Variants in SPICE1 observed in about 807,000 individuals in gnomAD.
SPICE1 encodes spindle and centriole-associated protein 1.
A neutral mutation model predicts 102.7 loss-of-function variants in SPICE1; 75 were observed. The observed-to-expected ratio is 0.73, with a 90% CI of 0.61 to 0.88. The LOEUF (loss-of-function observed/expected upper bound fraction) is 0.88. Among genes scored for constraint, SPICE1 ranks in the 40% least tolerant of loss-of-function variants. The pLI is 0.00. For synonymous variants in SPICE1, 308 were observed against 350.3 expected (o/e 0.88, Z 1.35); for missense variants, 979 against 1,020.1 (o/e 0.96, Z 0.55).
chr3:113,467,999 GAT>G, intron 10 of SPICE1, 138 bp downstream of exon 10: 2 of 1,081,740 alleles, frequency 1.8e-6, no homozygotes, highest in Non-Finnish European at 2.6e-6. Flanking sequence ...CTTTACTGCA[GAT>G]AATCTAAAAC....
At chr3:113,503,103 T>C in intron 3 of SPICE1, 77 bp downstream of exon 3, 1 of 1,459,704 alleles carries the variant, frequency 6.9e-7, no homozygotes, top group Non-Finnish European at 9.4e-7. Context: ...GTGCCTATAG[T>C]TTCTATTCTA....
At chr3:113,475,735 T>C (rs1025935259) in intron 7 of SPICE1, among the ~76,000 whole-genome samples, 21 of 152,166 alleles carry the variant, frequency 1.4e-4, no homozygotes, top group Non-Finnish European at 2.4e-4. Flanking sequence ...AATTCAACAA[T>C]GCTTCATGCT....
At position 113,453,767 on chromosome 3, in the gene SPICE1, T is replaced by C; in HGVS notation, c.1841A>G (p.Glu614Gly). ...WRVSHMGEDL[E>G]NKTQAPFVNL... Reference sequence around the variant, plus strand: ...AACAAAAGGAGCCTGAGTTTTGTTCTCCAAATCTTCTCCCATGTGAGAGAC... The same window carrying C: ...AACAAAAGGAGCCTGAGTTTTGTTCCCCAAATCTTCTCCCATGTGAGAGAC... Residue 614 changes from glutamate (E) to glycine (G), a missense_variant, in exon 14 of 18, where the codon GAG (glutamate) becomes GGG (glycine). Physicochemically the swap from Glu to Gly is moderately conservative, Grantham distance 98. Coordinates refer to ENST00000295872, the MANE Select transcript of SPICE1 (RefSeq NM_144718.4). The C allele has an allele frequency of 6.2e-7, 1 of 1,614,136 alleles. No homozygotes were observed. The highest frequency in any genetic ancestry group is 8.5e-7 in the Non-Finnish European group (1 of 1,180,024).
chr3:113,514,458 C>T (rs534678033), intron 1 of SPICE1: 14 of 363,432 alleles, frequency 3.9e-5, no homozygotes, highest in Non-Finnish European at 7.1e-5. Context: ...CAATCCAACT[C>T]AGCTTGGCAT....
chr3:113,454,080 A>G, intron 13 of SPICE1, 130 bp from the exon 14 acceptor site: 1 of 844,666 alleles, frequency 1.2e-6, no homozygotes. Flanking sequence ...CTGAATGCTT[A>G]AACTATTTTC....
intron 10 of SPICE1, 124 bp downstream of exon 10, chr3:113,468,015 G>A (rs1936100909): frequency 8.0e-7 from 1 of 1,243,020 alleles, no homozygotes; most frequent in Non-Finnish European, 1.1e-6. Context: ...CTAAAACTGA[G>A]GTATTTTAAA....
At chr3:113,495,995 T>G (rs947405439) in intron 4 of SPICE1, among the ~76,000 whole-genome samples, 1 of 152,102 alleles carries the variant, frequency 6.6e-6, no homozygotes, top group Non-Finnish European at 1.5e-5. Flanking sequence ...CAGGATGGCT[T>G]TGAATGTGGC....
At chr3:113,480,057 CA>C (rs1936455264) in intron 7 of SPICE1, among the ~76,000 whole-genome samples, 1 of 151,828 alleles carries the variant, frequency 6.6e-6, no homozygotes, top group Non-Finnish European at 1.5e-5. Flanking sequence ...AGCACTGAAA[CA>C]AAATTTTTTA....
intron 1 of SPICE1, 52 bp from the exon 2 acceptor site, chr3:113,506,657 C>A: frequency 2.1e-6 from 3 of 1,440,778 alleles, no homozygotes; most frequent in Non-Finnish European, 2.9e-6. Flanking sequence ...AAACAATAAG[C>A]ATCACCAGAG....
At chr3:113,450,716 A>G (rs1360871229) in intron 14 of SPICE1, among the ~76,000 whole-genome samples, 200 bp from the exon 15 acceptor site, 5 of 152,000 alleles carry the variant, frequency 3.3e-5, no homozygotes, top group Admixed American at 2.0e-4. Flanking sequence ...AGCTGGGACT[A>G]CAGGCACCTG....
chr3:113,452,555 G>C (rs1024319345), intron 14 of SPICE1, among the ~76,000 whole-genome samples: 1 of 152,008 alleles, frequency 6.6e-6, no homozygotes, highest in Non-Finnish European at 1.5e-5. Context: ...GTGGTAGTAC[G>C]CACCTGTAAT....
chr3:113,480,815 T>C (rs1936475319), intron 7 of SPICE1, among the ~76,000 whole-genome samples: 1 of 151,112 alleles, frequency 6.6e-6, no homozygotes, highest in South Asian at 2.1e-4. Flanking sequence ...GGTGAGAGGA[T>C]TACCTGAGCT....
At chr3:113,513,875 G>A (rs1937268978) in intron 1 of SPICE1, among the ~76,000 whole-genome samples, 1 of 152,184 alleles carries the variant, frequency 6.6e-6, no homozygotes, top group Non-Finnish European at 1.5e-5. Context: ...CAAGAAAGTA[G>A]AATAGTCTAT....
At chr3:113,464,446 AG>A (rs1936005687) in intron 11 of SPICE1, among the ~76,000 whole-genome samples, 1 of 151,866 alleles carries the variant, frequency 6.6e-6, no homozygotes. Flanking sequence ...TTGTAGAGAC[AG>A]GTCTCACTCT....
chr3:113,468,725 TGTTTAATATTCATCTTTGTAAATTAAG>T lies in SPICE1; in HGVS notation c.889+10_889+36del. 6.3e-7 allele frequency: 1 copy of T among 1,590,818 alleles called. No individual in the cohort carries two copies. Among genetic ancestry groups the T allele is most frequent in the Non-Finnish European group, 8.6e-7 (1 of 1,169,092 alleles). ...ATTAAGACAGCTGTATCAAGTTACA[TGTTTAATATTCATCTTTGTAAATTAAG>T]GGACTGAACCTTTATTTAACAGCTG... is the stretch of plus-strand genomic sequence containing the variant. On this transcript the variant is annotated intron_variant, in intron 9 of 17. Coordinates refer to ENST00000295872, the MANE Select transcript of SPICE1 (RefSeq NM_144718.4).
chr3:113,445,818 C>G (rs1935499926), intron 17 of SPICE1, among the ~76,000 whole-genome samples: 2 of 152,042 alleles, frequency 1.3e-5, no homozygotes, highest in African/African-American at 4.8e-5. Flanking sequence ...AATATCTTTC[C>G]CCTATCATTT....
At chr3:113,508,527 A>G (rs1937156935) in intron 1 of SPICE1, among the ~76,000 whole-genome samples, 1 of 152,222 alleles carries the variant, frequency 6.6e-6, no homozygotes, top group African/African-American at 2.4e-5. Flanking sequence ...GATGTTCAAC[A>G]TAATTAGTCA....
chr3:113,497,609 C>T (rs1936919504), intron 4 of SPICE1, among the ~76,000 whole-genome samples: 2 of 151,156 alleles, frequency 1.3e-5, no homozygotes, highest in African/African-American at 4.9e-5. Context: ...CATGGGGCCA[C>T]ATCCTAGGTC....
intron 11 of SPICE1, among the ~76,000 whole-genome samples, chr3:113,461,348 T>A (rs958439365): frequency 5.3e-5 from 8 of 151,670 alleles, no homozygotes; most frequent in African/African-American, 1.9e-4. Flanking sequence ...TTTTTAATAT[T>A]ACATAAGGTT....
Sources: allele counts gnomAD v4.1 joint callset (sites outside exome capture counted in the v4.1 genomes callset), GRCh38; gene constraint gnomAD v4.1.1; transcripts MANE v1.5; gene names NCBI Gene and HGNC (gene_info 2026-07-23, HGNC 2026-07-21).